TMEM45B: variants seen among roughly 807,000 people sequenced by gnomAD.
The protein encoded by TMEM45B is transmembrane protein 45B.
In TMEM45B, 29 loss-of-function variants were observed where a neutral mutation model predicts 27.3. The ratio of observed to expected loss-of-function variants is 1.06; its 90% CI spans 0.79 to 1.45. The LOEUF (loss-of-function observed/expected upper bound fraction) is 1.45, where lower values mean the gene tolerates loss of function less well. TMEM45B is among the 40% of genes most tolerant of loss of function. TMEM45B has a pLI of 0.00. For synonymous variants in TMEM45B, 143 were observed against 134.7 expected, an observed-to-expected ratio of 1.06 and a Z score of -0.43; for missense variants, 348 against 343.9, an observed-to-expected ratio of 1.01 and a Z score of -0.09.
intron 1 of TMEM45B, chr11:129,828,054 G>A (rs1171568049): frequency 2.0e-5 from 3 of 152,006 alleles, no homozygotes; most frequent in Admixed American, 6.6e-5. Flanking sequence ...GTCATTATGC[G>A]GCACCTGACT....
intron 4 of TMEM45B, among the ~76,000 whole-genome samples, chr11:129,856,401 G>C (rs1409420981): frequency 6.8e-6 from 1 of 147,920 alleles, no homozygotes; most frequent in Non-Finnish European, 1.5e-5. Flanking sequence ...TTTAGAGACA[G>C]GGTTTCACCA....
intron 1 of TMEM45B, among the ~76,000 whole-genome samples, chr11:129,841,584 G>GTTTTTTT (rs1192996579): frequency 2.0e-4 from 21 of 102,572 alleles, no homozygotes; most frequent in Admixed American, 8.7e-4. Context: ...GTTTTCTTTT[G>GTTTTTTT]TTTTTTTGTT....
At chr11:129,830,511 C>G (rs1392838933) in intron 1 of TMEM45B, among the ~76,000 whole-genome samples, 1 of 152,108 alleles carries the variant, frequency 6.6e-6, no homozygotes, top group African/African-American at 2.4e-5. Flanking sequence ...AAATTACAAG[C>G]TTCTGTACTT....
intron 1 of TMEM45B, among the ~76,000 whole-genome samples, chr11:129,840,148 T>C (rs1947671933): frequency 6.6e-6 from 1 of 152,232 alleles, no homozygotes; most frequent in Admixed American, 6.5e-5. Flanking sequence ...TGTTCCATAA[T>C]GTAGCTAATC....
chr11:129,832,394 T>G (rs1947560565), intron 1 of TMEM45B, among the ~76,000 whole-genome samples: 1 of 152,062 alleles, frequency 6.6e-6, no homozygotes, highest in African/African-American at 2.4e-5. Context: ...AGGAATGAAG[T>G]GCTGATACAT....
At chr11:129,818,020 A>G (rs1196030600) in intron 1 of TMEM45B, among the ~76,000 whole-genome samples, 1 of 152,172 alleles carries the variant, frequency 6.6e-6, no homozygotes, top group Non-Finnish European at 1.5e-5. Flanking sequence ...CTATAGAAAG[A>G]TCATAAGACA....
chr11:129,825,239 G>C (rs1364771839), intron 1 of TMEM45B, among the ~76,000 whole-genome samples: 1 of 152,150 alleles, frequency 6.6e-6, no homozygotes. Context: ...AAAATACCAG[G>C]ATACTTGGGG....
intron 1 of TMEM45B, among the ~76,000 whole-genome samples, chr11:129,822,283 T>C (rs1238273128): frequency 2.0e-5 from 3 of 152,204 alleles, no homozygotes; most frequent in Non-Finnish European, 4.4e-5. Flanking sequence ...TTCTACATTT[T>C]AGAAGTTTTC....
chr11:129,822,707 T>C (rs1483468789), intron 1 of TMEM45B, among the ~76,000 whole-genome samples: 2 of 152,232 alleles, frequency 1.3e-5, no homozygotes, highest in African/African-American at 4.8e-5. Flanking sequence ...AAGTTGCTGA[T>C]GTTCTCCATG....
In TMEM45B at chr11:129,851,153, CAG is replaced by C. The variant is rs373714566; in HGVS notation, c.-8-1321_-8-1320del. 8.5e-5 allele frequency among the ~76,000 whole-genome samples: 13 copies of C among 152,310 alleles called. No individual in the cohort carries two copies. In the South Asian group the frequency reaches 2.5e-3, roughly 29 times the overall value. On this transcript the variant is annotated intron_variant, in intron 1 of 5. Transcript: ENST00000281441. ...GCATCCTCACATGCAGGAGGACAAA[CAG>C]GGGACCAGCTCCCTCCAGCCAACCC...
At chr11:129,856,753 G>T (rs1480300082) in intron 4 of TMEM45B, among the ~76,000 whole-genome samples, 1 of 151,108 alleles carries the variant, frequency 6.6e-6, no homozygotes, top group Non-Finnish European at 1.5e-5. Context: ...TAGAGATGGG[G>T]TTTCACCGTG....
rs540758240 is a variant in TMEM45B at position 129,831,265 on chromosome 11, A to G, written c.-9+15367A>G. On this transcript the variant is annotated intron_variant, in intron 1 of 5. Transcript: ENST00000281441. ...TTAAGAACTTTCATGCTTCCACTTA[A>G]ACAAAACACTTGACAACTTCTCTTT... 1.8e-4 allele frequency among the ~76,000 whole-genome samples: 27 copies of G among 152,308 alleles called. No homozygotes were observed. In the South Asian group the frequency reaches 5.6e-3, roughly 32 times the overall value.
In TMEM45B at chr11:129,852,550, T is replaced by C; in HGVS notation, c.68T>C (p.Val23Ala). The change falls in exon 2 of 6, where the codon GTG becomes GCG. Residue 23 changes from valine (V) to alanine (A), a missense_variant. By Grantham distance (64) the Val-to-Ala change is moderately conservative. Transcript: ENST00000281441. ...FFLIIGLCWSVKYPLKYFSHT... is the reference protein window; with the variant it reads ...FFLIIGLCWSAKYPLKYFSHT... ...CTGATCATTGGGCTGTGTTGGTCAG[T>C]GAAGTACCCGCTGAAGTACTTTAGC... The C allele has an allele frequency of 1.9e-6, 3 of 1,613,926 alleles. No individual in the cohort carries two copies. The highest frequency in any genetic ancestry group is 1.1e-5 in the South Asian group (1 of 91,076).
chr11:129,822,841 C>CT (rs981694529), intron 1 of TMEM45B, among the ~76,000 whole-genome samples: 26,187 of 134,062 alleles, frequency 0.2, 3,314 homozygotes, highest in African/African-American at 0.34. Context: ...AAACATTTTT[C>CT]TTTTTTTTTT....
chr11:129,848,287 G>A (rs1947795824), intron 1 of TMEM45B, among the ~76,000 whole-genome samples: 1 of 152,184 alleles, frequency 6.6e-6, no homozygotes, highest in South Asian at 2.1e-4. Flanking sequence ...GAGGCTGGCG[G>A]ATCACTCGCG....
intron 1 of TMEM45B, among the ~76,000 whole-genome samples, chr11:129,826,271 C>T (rs577556418): frequency 2.0e-5 from 3 of 152,116 alleles, no homozygotes; most frequent in African/African-American, 4.8e-5. Flanking sequence ...ATAAAGAGGC[C>T]GGGCGCGGTG....
At position 129,858,912 on chromosome 11, in the gene TMEM45B, A is replaced by G. The variant is rs184752268; in HGVS notation, c.*227A>G. 55 of 275,706 alleles carry G rather than the reference A, an allele frequency of 2.0e-4. No homozygotes were observed. The Admixed American group carries it at 2.7e-3, about 14-fold the overall frequency. 17.1% of individuals were successfully genotyped at this position (275,706 alleles called of 1,614,324 possible). A position where few individuals can be genotyped will look rare whatever the true frequency, so the allele number is the denominator to read the frequency against. The stretch of plus-strand genomic sequence containing the variant: ...ACTATAAAGTCTGTGTTGGTATAGT[A>G]CCCTTCATAAGGAAAAATGAAGTAA... On this transcript the variant is annotated 3_prime_UTR_variant, in exon 6 of 6. Coordinates refer to ENST00000281441, the MANE Select transcript of TMEM45B (RefSeq NM_138788.5).
At chr11:129,823,382 G>C (rs1947443775) in intron 1 of TMEM45B, among the ~76,000 whole-genome samples, 1 of 152,122 alleles carries the variant, frequency 6.6e-6, no homozygotes, top group Admixed American at 6.5e-5. Context: ...TGGAAAGCCT[G>C]CCCATTAGAC....
chr11:129,850,096 T>A (rs1302526233), intron 1 of TMEM45B, among the ~76,000 whole-genome samples: 1 of 152,176 alleles, frequency 6.6e-6, no homozygotes, highest in Non-Finnish European at 1.5e-5. Context: ...TATTGACCTT[T>A]AGCTTTCCTT....
Sources: gnomAD v4.1 joint callset for allele counts (sites outside exome capture counted in the v4.1 genomes callset) on GRCh38, gnomAD v4.1.1 for gene constraint, MANE v1.5 for transcripts, NCBI Gene and HGNC (gene_info 2026-07-23, HGNC 2026-07-21) for gene names.